The following SGCZ variants were observed in gnomAD, a reference collection of about 807,000 sequenced individuals.
SGCZ encodes the protein zeta-sarcoglycan.
Under a neutral mutation model 41.3 loss-of-function variants are expected in SGCZ, and 40 were observed. That is an observed-to-expected ratio of 0.97 (90% CI 0.75 to 1.26). SGCZ has a LOEUF of 1.26. Among genes scored for constraint, SGCZ ranks in the 50% most tolerant of loss-of-function variants. SGCZ has a pLI of 0.00. For synonymous variants in SGCZ, 206 were observed against 137.5 expected, an observed-to-expected ratio of 1.50 and a Z score of -3.49; for missense variants, 552 against 369.8, an observed-to-expected ratio of 1.49 and a Z score of -4.04.
At chr8:14,674,928 G>GTTTTTTTTTTTTTTTTT (rs201881681) in intron 1 of SGCZ, among the ~76,000 whole-genome samples, 1 of 70,998 alleles carries the variant, frequency 1.4e-5, no homozygotes, top group African/African-American at 5.1e-5. Flanking sequence ...TTTCTTTTCT[G>GTTTTTTTTTTTTTTTTT]TTTTTTTTTT....
chr8:15,105,521 A>C (rs1002152854), intron 1 of SGCZ, among the ~76,000 whole-genome samples: 2 of 152,084 alleles, frequency 1.3e-5, no homozygotes, highest in Admixed American at 1.3e-4. Context: ...GCTAAGGCCG[A>C]AGTGATACCC....
intron 1 of SGCZ, among the ~76,000 whole-genome samples, chr8:14,661,736 A>C (rs1317923978): frequency 6.6e-6 from 1 of 152,154 alleles, no homozygotes; most frequent in Non-Finnish European, 1.5e-5. Flanking sequence ...GTAGAGTAAC[A>C]CATGAACAAT....
At chr8:14,251,947 T>A (rs1799302761) in intron 3 of SGCZ, among the ~76,000 whole-genome samples, 1 of 152,036 alleles carries the variant, frequency 6.6e-6, no homozygotes, top group African/African-American at 2.4e-5. Context: ...TGACCTTAGG[T>A]CATCCTCCCA....
chr8:14,417,735 C>CA (rs1302698629), intron 2 of SGCZ, among the ~76,000 whole-genome samples: 2 of 151,486 alleles, frequency 1.3e-5, no homozygotes, highest in African/African-American at 4.8e-5. Flanking sequence ...TTGTTTTACA[C>CA]AAAAAAGGTA....
intron 2 of SGCZ, among the ~76,000 whole-genome samples, chr8:14,458,467 A>G (rs947322884): frequency 2.6e-5 from 4 of 152,216 alleles, no homozygotes; most frequent in Non-Finnish European, 5.9e-5. Flanking sequence ...AAGTGAATGT[A>G]TTACAGATAA....
chr8:14,969,408 A>G (rs916702956), intron 1 of SGCZ, among the ~76,000 whole-genome samples: 5 of 152,104 alleles, frequency 3.3e-5, no homozygotes, highest in Non-Finnish European at 7.4e-5. Flanking sequence ...TATTTAAAGT[A>G]TAGAATTTGG....
intron 1 of SGCZ, among the ~76,000 whole-genome samples, chr8:14,703,971 T>C (rs1185712323): frequency 1.3e-5 from 2 of 152,046 alleles, no homozygotes; most frequent in Admixed American, 6.6e-5. Flanking sequence ...GTGAACTGAA[T>C]TGATGCTTTA....
At chr8:14,268,614 T>C (rs956206919) in intron 3 of SGCZ, among the ~76,000 whole-genome samples, 3 of 151,926 alleles carry the variant, frequency 2.0e-5, no homozygotes, top group East Asian at 1.9e-4. Flanking sequence ...GTAGAACCCA[T>C]ACATTTTATC....
chr8:14,844,049 A>T (rs1803016734), intron 1 of SGCZ, among the ~76,000 whole-genome samples: 1 of 151,352 alleles, frequency 6.6e-6, no homozygotes, highest in East Asian at 1.9e-4. Flanking sequence ...ACATTTTAAA[A>T]ATTATATGTA....
At chr8:15,017,222 T>G (rs887112654) in intron 1 of SGCZ, among the ~76,000 whole-genome samples, 10 of 152,174 alleles carry the variant, frequency 6.6e-5, no homozygotes, top group Non-Finnish European at 1.2e-4. Flanking sequence ...CATCAGTAAC[T>G]GGGAGTAATA....
chr8:15,199,834 A>G (rs1240459557), intron 1 of SGCZ, among the ~76,000 whole-genome samples: 1 of 152,194 alleles, frequency 6.6e-6, no homozygotes, highest in Admixed American at 6.5e-5. Context: ...TGCGGAAAAA[A>G]ATTTCTTGTT....
chr8:14,676,501 G>C (rs1162815499), intron 1 of SGCZ, among the ~76,000 whole-genome samples: 1 of 152,148 alleles, frequency 6.6e-6, no homozygotes, highest in Non-Finnish European at 1.5e-5. Context: ...CCTGGAGACA[G>C]AGTGAGACTC....
intron 2 of SGCZ, among the ~76,000 whole-genome samples, chr8:14,449,661 C>A (rs1328305743): frequency 2.6e-5 from 4 of 152,112 alleles, no homozygotes; most frequent in South Asian, 4.1e-4. Context: ...TAAAGATAGA[C>A]CCCGCTTGGC....
chr8:14,691,338 C>G (rs1808791511), intron 1 of SGCZ, among the ~76,000 whole-genome samples: 1 of 152,088 alleles, frequency 6.6e-6, no homozygotes, highest in Non-Finnish European at 1.5e-5. Flanking sequence ...AGCTAAAAAT[C>G]TCTACAAATG....
chr8:14,525,210 A>G (rs1323936067), intron 2 of SGCZ, among the ~76,000 whole-genome samples: 1 of 151,942 alleles, frequency 6.6e-6, no homozygotes, highest in Non-Finnish European at 1.5e-5. Flanking sequence ...ACAGACAGAC[A>G]GATGTTTCCA....
chr8:14,554,837 T>C lies in SGCZ; in HGVS notation c.129A>G (p.Gly43=), dbSNP rs1190435267. 3 of 1,613,206 alleles carry C rather than the reference T, an allele frequency of 1.9e-6. No individual in the cohort carries two copies. The highest frequency in any genetic ancestry group is 2.5e-6 in the Non-Finnish European group (3 of 1,179,558). ...NAQLYPVGIY[G]WRKRCLYFFV... ...AGAAGTATAAGCACCTCTTTCGCCA[T>C]CCATAAATTCCCACTGGGTAAAGTT... is the stretch of plus-strand genomic sequence containing the variant. The change falls in exon 2 of 8, where the codon GGA becomes GGG. Residue 43 remains glycine, a synonymous_variant. Coordinates refer to ENST00000382080, the MANE Select transcript of SGCZ (RefSeq NM_139167.4).
chr8:14,999,515 A>G (rs1196409467), intron 1 of SGCZ, among the ~76,000 whole-genome samples: 1 of 152,206 alleles, frequency 6.6e-6, no homozygotes, highest in East Asian at 1.9e-4. Flanking sequence ...AATGGCACAT[A>G]CAGAGGATGC....
At position 14,429,337 on chromosome 8, in the gene SGCZ, C is replaced by G. The variant is rs1301271362; in HGVS notation, c.235-105133G>C. ...TTTGGTCAAAGACTTGGAGGAAGTC[C>G]AGGCATAAAGCCTGGGCTATCAGCA... On this transcript the variant is annotated intron_variant, in intron 2 of 7. Transcript: ENST00000382080. 2.6e-5 allele frequency among the ~76,000 whole-genome samples: 4 copies of G among 152,090 alleles called. No individual in the cohort carries two copies. The South Asian group carries it at 8.3e-4, about 32-fold the overall frequency.
In SGCZ at chr8:14,393,993, A is replaced by G. The variant is rs368030844; in HGVS notation, c.235-69789T>C. Among the ~76,000 whole-genome samples the G allele has an allele frequency of 8.3e-4, 126 of 152,252 alleles. 1 individual carries two copies. The South Asian group carries it at 0.022, about 27-fold the overall frequency. The stretch of plus-strand genomic sequence containing the variant: ...GTGCTTTGATATGTGTACTTTAAAG[A>G]AGCACCTTTTCTTGAAAGTAACTGT... On this transcript the variant is annotated intron_variant, in intron 2 of 7. Coordinates refer to ENST00000382080, the MANE Select transcript of SGCZ (RefSeq NM_139167.4).
Sources: allele counts gnomAD v4.1 joint callset (sites outside exome capture counted in the v4.1 genomes callset), GRCh38; gene constraint gnomAD v4.1.1; transcripts MANE v1.5; gene names NCBI Gene and HGNC (gene_info 2026-07-23, HGNC 2026-07-21).